TEAD2: variants seen among roughly 807,000 people sequenced by gnomAD.
The protein encoded by TEAD2 is transcriptional enhancer factor TEF-4.
Under a neutral mutation model 61.4 loss-of-function variants are expected in TEAD2, and 51 were observed. The observed-to-expected ratio is 0.83, with a 90% CI of 0.66 to 1.05. The LOEUF is 1.05. Among genes scored for constraint, TEAD2 ranks in the 50% least tolerant of loss-of-function variants. The probability of loss-of-function intolerance (pLI) is 0.00; values close to 1 mark genes in which losing one functional copy is unlikely to be tolerated. For missense variants in TEAD2, 509 were observed against 600.0 expected, an observed-to-expected ratio of 0.85 and a Z score of 1.58; for synonymous variants, 244 against 243.2, an observed-to-expected ratio of 1.00 and a Z score of -0.03.
chr19:49,349,145 T>C, intron 8 of TEAD2: 1 of 251,646 alleles, frequency 4.0e-6, no homozygotes, highest in Non-Finnish European at 7.6e-6. Flanking sequence ...GTTTGGATAT[T>C]TGTCCCCTCC....
intron 8 of TEAD2, among the ~76,000 whole-genome samples, chr19:49,350,176 A>G (rs1971920884): frequency 6.6e-6 from 1 of 152,172 alleles, no homozygotes; most frequent in African/African-American, 2.4e-5. Context: ...CTGGGAATGA[A>G]GCCACCACAG....
At chr19:49,350,390 G>C (rs1971937222) in intron 8 of TEAD2, among the ~76,000 whole-genome samples, 1 of 152,066 alleles carries the variant, frequency 6.6e-6, no homozygotes, top group Admixed American at 6.6e-5. Flanking sequence ...TGCCACCTCG[G>C]CTCACTGCAA....
At chr19:49,347,501 G>C (rs568462044) in intron 9 of TEAD2, 138 bp from the exon 10 acceptor site, 1 of 968,624 alleles carries the variant, frequency 1.0e-6, no homozygotes, top group Non-Finnish European at 1.5e-6. Flanking sequence ...CACTGGGCCT[G>C]ACTGCCACCC....
intron 4 of TEAD2, among the ~76,000 whole-genome samples, chr19:49,356,446 C>G (rs1045883106): frequency 2.6e-5 from 4 of 151,344 alleles, no homozygotes; most frequent in African/African-American, 9.7e-5. Context: ...CAGAAAAACC[C>G]CCACACACCC....
intron 11 of TEAD2, 68 bp downstream of exon 11, chr19:49,343,163 T>C (rs1971410124): frequency 1.3e-6 from 2 of 1,505,302 alleles, no homozygotes; most frequent in Non-Finnish European, 1.8e-6. Context: ...AATGCCTGAG[T>C]CATGATGGCT....
In TEAD2 at chr19:49,355,421, T is replaced by C; in HGVS notation, c.373-2A>G. On this transcript the variant is annotated splice_acceptor_variant, in intron 5 of 12. Coordinates refer to ENST00000593945, the MANE Select transcript of TEAD2 (RefSeq NM_001256660.2). LOFTEE classifies it high-confidence loss of function. ...AGCCTTGTCCTTGGAAACCTGGTCC[T>C]GGAGGAGGAGGCGGAAGTTCATGTG... 4 of 1,613,600 alleles carry C rather than the reference T, an allele frequency of 2.5e-6. No individual in the cohort carries two copies. The highest frequency in any genetic ancestry group is 3.4e-6 in the Non-Finnish European group (4 of 1,179,624).
At chr19:49,361,499 G>C (rs1972932247) in intron 1 of TEAD2, 1 of 152,404 alleles carries the variant, frequency 6.6e-6, no homozygotes, top group African/African-American at 2.4e-5. Context: ...GCCATCAGAA[G>C]AGCCAGAACA....
intron 9 of TEAD2, among the ~76,000 whole-genome samples, chr19:49,347,704 C>A (rs1971741295): frequency 6.6e-6 from 1 of 152,180 alleles, no homozygotes; most frequent in South Asian, 2.1e-4. Flanking sequence ...GCCCCTGACC[C>A]TCCCCTGGTC....
chr19:49,351,636 G>A (rs772847514), intron 7 of TEAD2, among the ~76,000 whole-genome samples: 2 of 152,026 alleles, frequency 1.3e-5, no homozygotes, highest in East Asian at 1.9e-4. Flanking sequence ...GTCTCAGCCC[G>A]GTATCTCAGG....
At chr19:49,343,883 G>A (rs1321853201) in intron 10 of TEAD2, among the ~76,000 whole-genome samples, 15 of 140,580 alleles carry the variant, frequency 1.1e-4, no homozygotes, top group Non-Finnish European at 1.7e-4. Flanking sequence ...GTCTTGCTCC[G>A]TCACCCAGGC....
chr19:49,348,393 A>G (rs1427644577), intron 9 of TEAD2, among the ~76,000 whole-genome samples: 1 of 152,198 alleles, frequency 6.6e-6, no homozygotes, highest in African/African-American at 2.4e-5. Context: ...AAATGAATGA[A>G]TGATGTCCTG....
rs1971362539 is a variant in TEAD2 at position 49,342,479 on chromosome 19, A to G, written c.1201T>C (p.Tyr401His). 7 of 1,614,118 alleles carry G rather than the reference A, an allele frequency of 4.3e-6. No homozygotes were observed. Among genetic ancestry groups the G allele is most frequent in the Non-Finnish European group, 5.9e-6 (7 of 1,179,986 alleles). Residue 401 changes from tyrosine to histidine, a missense_variant, in exon 12 of 13, where the codon TAC (tyrosine) becomes CAC (histidine). Physicochemically the swap from Tyr to His is moderately conservative, Grantham distance 83. Coordinates refer to ENST00000593945, the MANE Select transcript of TEAD2 (RefSeq NM_001256660.2). ...TTTTCCAGGACGCTGTTCATCATGTATCGCTCAGGCAGCTGCCGCAACTTG... is the reference window on the plus strand; with the variant it reads ...TTTTCCAGGACGCTGTTCATCATGTGTCGCTCAGGCAGCTGCCGCAACTTG... Reference protein sequence around the residue: ...LHKLRQLPERYMMNSVLENFT... With the variant: ...LHKLRQLPERHMMNSVLENFT...
Position 49,355,383 on chromosome 19 carries a change from C to T in TEAD2, c.409G>A (p.Ala137Thr). Residue 137 changes from alanine (A) to threonine (T), a missense_variant, in exon 6 of 13, where the codon GCA becomes ACA. By Grantham distance (58) the Ala-to-Thr change is moderately conservative (BLOSUM62 0). Coordinates refer to ENST00000593945, the MANE Select transcript of TEAD2 (RefSeq NM_001256660.2). ...ATGAGCTGGGCAGAGGACATGGTTG[C>T]CATTGTCTGGAAAGCCTTGTCCTTG... The part of the protein sequence containing the change: ...VSKDKAFQTM[A>T]TMSSAQLISA... The T allele has an allele frequency of 6.2e-7, 1 of 1,614,102 alleles. No individual in the cohort carries two copies. The highest frequency in any genetic ancestry group is 8.5e-7 in the Non-Finnish European group (1 of 1,180,026).
At chr19:49,358,399 A>G (rs901162834) in intron 3 of TEAD2, among the ~76,000 whole-genome samples, 9 of 151,514 alleles carry the variant, frequency 5.9e-5, no homozygotes, top group Admixed American at 5.2e-4. Flanking sequence ...TGGGAGACAC[A>G]GTGACTTTTC....
chr19:49,343,861 G>GGGC (rs1555781810), intron 10 of TEAD2, among the ~76,000 whole-genome samples: 4 of 146,234 alleles, frequency 2.7e-5, no homozygotes, highest in Admixed American at 1.4e-4. Flanking sequence ...TTTTTGGGGG[G>GGGC]GGGGGAACAG....
At chr19:49,344,742 C>G (rs1471305396) in intron 10 of TEAD2, among the ~76,000 whole-genome samples, 1 of 152,188 alleles carries the variant, frequency 6.6e-6, no homozygotes, top group Non-Finnish European at 1.5e-5. Flanking sequence ...TCCCTAGCAA[C>G]GGGACCTCAC....
intron 12 of TEAD2, among the ~76,000 whole-genome samples, chr19:49,342,110 T>C (rs1436429815): frequency 6.6e-6 from 1 of 151,920 alleles, no homozygotes; most frequent in Non-Finnish European, 1.5e-5. Context: ...GAGAATCACT[T>C]GAACCCGGGA....
intron 7 of TEAD2, among the ~76,000 whole-genome samples, chr19:49,352,038 A>G (rs1394652997): frequency 6.8e-6 from 1 of 146,492 alleles, no homozygotes; most frequent in African/African-American, 2.5e-5. Context: ...GAAGGCAGGG[A>G]GAAGACGCAG....
In TEAD2 at chr19:49,348,748, C is replaced by T; in HGVS notation, c.702G>A (p.Leu234=). The change falls in exon 9 of 13, where the codon CTG becomes CTA. Residue 234 remains leucine (L), a synonymous_variant. Coordinates refer to ENST00000593945, the MANE Select transcript of TEAD2 (RefSeq NM_001256660.2). The part of the protein sequence containing the change: ...ARGLGTARLQ[L]VEFSAFVEPP... ...GTTCCACGAAGGCTGAGAACTCTAC[C>T]AGCTGCAACCGGGCGGTGCCCAGGC... 6.2e-7 allele frequency: 1 copy of T among 1,614,064 alleles called. No homozygotes were observed. The highest frequency in any genetic ancestry group is 8.5e-7 in the Non-Finnish European group (1 of 1,179,986).
Sources: allele counts gnomAD v4.1 joint callset (sites outside exome capture counted in the v4.1 genomes callset), GRCh38; gene constraint gnomAD v4.1.1; transcripts MANE v1.5; gene names NCBI Gene and HGNC (gene_info 2026-07-23, HGNC 2026-07-21).